ARHGAP29: variants seen among roughly 807,000 people sequenced by gnomAD.
ARHGAP29 encodes the protein rho GTPase-activating protein 29.
ARHGAP29 carries 43 observed loss-of-function variants against 122.6 expected under a neutral mutation model. The ratio of observed to expected loss-of-function variants is 0.35; its 90% CI spans 0.27 to 0.45. ARHGAP29 has a LOEUF of 0.45. ARHGAP29 is among the 20% of genes least tolerant of loss of function. ARHGAP29 has a pLI of 1.00. For synonymous variants in ARHGAP29, 506 were observed against 497.1 expected, an observed-to-expected ratio of 1.02 and a Z score of -0.24; for missense variants, 1,303 against 1,477.2, an observed-to-expected ratio of 0.88 and a Z score of 1.93.
chr1:94,213,279 C>A (rs1651761291), intron 3 of ARHGAP29, among the ~76,000 whole-genome samples: 1 of 152,038 alleles, frequency 6.6e-6, no homozygotes, highest in Non-Finnish European at 1.5e-5. Flanking sequence ...TCCCGGGTTC[C>A]CGCCATTCTC....
chr1:94,168,940 T>C lies in ARHGAP29; in HGVS notation c.*4929A>G, dbSNP rs950971916. The stretch of plus-strand genomic sequence containing the variant: ...TAGTCGTTTAATCTATTTTCTGAAC[T>C]GCATGCTTATTTTATGGATGCAGAG... On this transcript the variant is annotated 3_prime_UTR_variant, in exon 23 of 23. Coordinates refer to ENST00000260526, the MANE Select transcript of ARHGAP29 (RefSeq NM_004815.4). Among the ~76,000 whole-genome samples the C allele has an allele frequency of 6.6e-6, 1 of 152,220 alleles. No individual in the cohort carries two copies. Among genetic ancestry groups the C allele is most frequent in the African/African-American group, 2.4e-5 (1 of 41,460 alleles).
chr1:94,278,871 C>G (rs1367466814), upstream of ARHGAP29, among the ~76,000 whole-genome samples: 3 of 152,160 alleles, frequency 2.0e-5, 1 homozygote, highest in Non-Finnish European at 4.4e-5. Flanking sequence ...CTTAACAGCT[C>G]CAAGCATTAG....
At chr1:94,239,366 G>A (rs1163583037), upstream of ARHGAP29, among the ~76,000 whole-genome samples, 3 of 152,084 alleles carry the variant, frequency 2.0e-5, no homozygotes, top group Non-Finnish European at 4.4e-5. Flanking sequence ...CCTTAATAAA[G>A]AGGACTGTGT....
the ARHGAP29 span, among the ~76,000 whole-genome samples, chr1:94,284,369 A>G: frequency 6.6e-6 from 1 of 152,186 alleles, no homozygotes; most frequent in African/African-American, 2.4e-5. Context: ...TGCAGAGATT[A>G]TTGTTATAAT....
chr1:94,212,351 G>C (rs1651685960), intron 3 of ARHGAP29, among the ~76,000 whole-genome samples: 1 of 152,150 alleles, frequency 6.6e-6, no homozygotes, highest in Admixed American at 6.5e-5. Flanking sequence ...CAGGTAGAAT[G>C]ATGACAATTT....
intron 22 of ARHGAP29, 94 bp downstream of exon 22, chr1:94,177,518 C>T (rs1649167646): frequency 2.5e-6 from 2 of 815,050 alleles, no homozygotes; most frequent in Non-Finnish European, 3.7e-6. Context: ...CATTCTCTGG[C>T]TTCCCTCATT....
At chr1:94,238,979 C>T (rs1653465354), upstream of ARHGAP29, among the ~76,000 whole-genome samples, 1 of 152,170 alleles carries the variant, frequency 6.6e-6, no homozygotes, top group Non-Finnish European at 1.5e-5. Flanking sequence ...TAAGAAAACT[C>T]AGCTCCTTGG....
At chr1:94,297,208 G>C in the ARHGAP29 span, among the ~76,000 whole-genome samples, 1 of 152,186 alleles carries the variant, frequency 6.6e-6, no homozygotes, top group South Asian at 2.1e-4. Flanking sequence ...TGTTGAGCCT[G>C]GCAGCAGCAT....
chr1:94,264,923 CTGACTCTGG>C (rs1303563089), intron 1 of ARHGAP29, among the ~76,000 whole-genome samples: 1 of 152,226 alleles, frequency 6.6e-6, no homozygotes, highest in Non-Finnish European at 1.5e-5. Flanking sequence ...AGCTTTGCCC[CTGACTCTGG>C]TGACTCCCTT....
At chr1:94,189,528 TTTAA>T (rs1650008100) in intron 13 of ARHGAP29, among the ~76,000 whole-genome samples, 176 bp from the exon 14 acceptor site, 1 of 152,158 alleles carries the variant, frequency 6.6e-6, no homozygotes, top group East Asian at 1.9e-4. Context: ...GTAAATACTT[TTTAA>T]TTATTTGTCC....
At chr1:94,195,078 G>T (rs369144880) in intron 12 of ARHGAP29, 2 of 152,140 alleles carry the variant, frequency 1.3e-5, no homozygotes, top group African/African-American at 4.8e-5. Context: ...GATAAAAATT[G>T]AATTTCCTAA....
rs550063964 is a variant in ARHGAP29 at position 94,212,715 on chromosome 1, A to C, written c.341-3365T>G. Among the ~76,000 whole-genome samples, 6 of 152,304 alleles carry C rather than the reference A, an allele frequency of 3.9e-5. No individual in the cohort carries two copies. The East Asian group carries it at 1.2e-3, about 29-fold the overall frequency. ...CTTATCTTCATCCCTACCTGAGCGA[A>C]GTTATAGCCATCTAATGAAAATTCC... On this transcript the variant is annotated intron_variant, in intron 3 of 22. Transcript: ENST00000260526.
chr1:94,305,313 A>G, the ARHGAP29 span, among the ~76,000 whole-genome samples: 6 of 152,172 alleles, frequency 3.9e-5, no homozygotes, highest in Admixed American at 3.9e-4. Context: ...CTGAGTGGTC[A>G]TGGGGTTTGT....
chr1:94,232,297 G>C (rs769030649), intron 1 of ARHGAP29, among the ~76,000 whole-genome samples: 8 of 152,140 alleles, frequency 5.3e-5, no homozygotes, highest in Non-Finnish European at 1.0e-4. Context: ...TGATACAGAA[G>C]TGTCGAGAAC....
chr1:94,256,818 A>C (rs1450910929), intron 1 of ARHGAP29, among the ~76,000 whole-genome samples: 1 of 151,744 alleles, frequency 6.6e-6, no homozygotes, highest in Non-Finnish European at 1.5e-5. Context: ...TCAGCCTCTC[A>C]AAGTGCTGGG....
At position 94,198,184 on chromosome 1, in the gene ARHGAP29, C is replaced by G. The variant is rs1650590512; in HGVS notation, c.1281+3536G>C. On this transcript the variant is annotated intron_variant, in intron 12 of 22. Transcript: ENST00000260526. ...TATCAAGTATATTTCTAAATATTAA[C>G]AATTAAAACAGCCAGCCACGGTGGC... 2.6e-5 allele frequency among the ~76,000 whole-genome samples: 4 copies of G among 151,814 alleles called. No homozygotes were observed. In the South Asian group the frequency reaches 8.3e-4, roughly 32 times the overall value.
chr1:94,236,677 C>G (rs760508639), intron 1 of ARHGAP29, among the ~76,000 whole-genome samples: 2 of 151,926 alleles, frequency 1.3e-5, no homozygotes, highest in Non-Finnish European at 2.9e-5. Context: ...ACCCGCCCCC[C>G]AAAAAATTTT....
At chr1:94,239,856 T>A (rs537752169), upstream of ARHGAP29, among the ~76,000 whole-genome samples, 13 of 152,258 alleles carry the variant, frequency 8.5e-5, no homozygotes, top group African/African-American at 3.1e-4. Context: ...ATTTTTAAAA[T>A]TTTTTCCATT....
At chr1:94,248,026 T>C (rs1259686388) in intron 1 of ARHGAP29, 2 of 152,220 alleles carry the variant, frequency 1.3e-5, no homozygotes, top group Non-Finnish European at 2.9e-5. Context: ...CTTGTTTAAT[T>C]AGACATTTCT....
Sources: gnomAD v4.1 joint callset for allele counts (sites outside exome capture counted in the v4.1 genomes callset) on GRCh38, gnomAD v4.1.1 for gene constraint, MANE v1.5 for transcripts, NCBI Gene and HGNC (gene_info 2026-07-23, HGNC 2026-07-21) for gene names.